Variants in COL6A5 observed in about 807,000 individuals in gnomAD.
COL6A5 encodes the protein collagen type VI alpha 5 chain, also known as collagen alpha-5(VI) chain.
A neutral mutation model predicts 65.6 loss-of-function variants in COL6A5; 48 were observed. The observed-to-expected ratio is 0.73, with a 90% CI of 0.58 to 0.93. The LOEUF (loss-of-function observed/expected upper bound fraction) is 0.93. Ranked by LOEUF, COL6A5 falls within the 40% of genes least tolerant of loss-of-function variation. The pLI is 0.00. For synonymous variants in COL6A5, 291 were observed against 322.8 expected (o/e 0.90, Z 1.05); for missense variants, 914 against 928.3 (o/e 0.98, Z 0.20).
In COL6A5 at chr3:130,389,054, G is replaced by A. The variant is rs1450178785; in HGVS notation, c.2336G>A (p.Ser779Asn). 15 of 1,492,602 alleles carry A rather than the reference G, an allele frequency of 1.0e-5. No individual in the cohort carries two copies. In the South Asian group the frequency reaches 1.9e-4, roughly 19 times the overall value. 92.5% of individuals were successfully genotyped at this position (1,492,602 alleles called of 1,614,324 possible). ...CTAGAAGAGATCAGTGGGGATAGCA[G>A]CCTAGTTTTTCATGTTGAGAACTTC... The change falls in exon 6 of 42, where the codon AGC becomes AAC. Residue 779 changes from serine to asparagine, a missense_variant and NMD_transcript_variant. Coordinates refer to the COL6A5 transcript ENST00000312481.
intron 1 of COL6A5, among the ~76,000 whole-genome samples, chr3:130,360,861 T>C (rs1935081295): frequency 1.3e-5 from 2 of 152,250 alleles, no homozygotes; most frequent in South Asian, 2.1e-4. Context: ...TGGAACTGTT[T>C]GGCAAATGCA....
At chr3:130,447,128 T>C (rs1030772738) in intron 4 of COL6A5, among the ~76,000 whole-genome samples, 19 of 152,154 alleles carry the variant, frequency 1.2e-4, no homozygotes, top group African/African-American at 4.3e-4. Flanking sequence ...TATCCAGCGG[T>C]ATAGTCTATC....
At chr3:130,388,590 C>T (rs1273819475) in exon 6 of COL6A5, 2 of 1,541,016 alleles carry the variant, frequency 1.3e-6, no homozygotes, top group East Asian at 4.9e-5. Context: ...GATGTGAAGA[C>T]ATGAAGGCCG....
intron 24 of COL6A5, among the ~76,000 whole-genome samples, chr3:130,417,552 T>A (rs1313983811): frequency 6.6e-6 from 1 of 152,110 alleles, no homozygotes; most frequent in Non-Finnish European, 1.5e-5. Context: ...CAAGAATGCA[T>A]GTGGTTGCTG....
intron 4 of COL6A5, among the ~76,000 whole-genome samples, chr3:130,446,983 G>T (rs1436101765): frequency 1.3e-5 from 2 of 152,152 alleles, no homozygotes; most frequent in African/African-American, 4.8e-5. Flanking sequence ...TGGTTGTTCA[G>T]ACTGTTTGGA....
chr3:130,424,044 T>G (rs948851659), intron 29 of COL6A5, 144 bp downstream of exon 29: 73 of 547,934 alleles, frequency 1.3e-4, no homozygotes, highest in Non-Finnish European at 7.0e-5. Flanking sequence ...ACTGGGTCTT[T>G]GAGTTTATTT....
At chr3:130,402,284 A>G (rs1936842607) in intron 12 of COL6A5, among the ~76,000 whole-genome samples, 1 of 152,228 alleles carries the variant, frequency 6.6e-6, no homozygotes, top group South Asian at 2.1e-4. Flanking sequence ...AAATAAATAA[A>G]CAAATAAGAG....
chr3:130,350,008 TG>T (rs1362372825), intron 1 of COL6A5, among the ~76,000 whole-genome samples: 1 of 152,154 alleles, frequency 6.6e-6, no homozygotes, highest in Non-Finnish European at 1.5e-5. Context: ...GAAGAAGGAA[TG>T]GGGATAGTGC....
Position 130,362,252 on chromosome 3 carries a change from T to TTCTCTCTCTCTCTCTCTCTCTCTCTCTC in COL6A5, c.-28-11340_-28-11339insCTCTCTCTCTCTCTCTCTCTCTCTCTCT, listed in dbSNP as rs373519002. Among the ~76,000 whole-genome samples, 9 of 114,352 alleles carry TTCTCTCTCTCTCTCTCTCTCTCTCTCTC rather than the reference T, an allele frequency of 7.9e-5. No individual in the cohort carries two copies. The South Asian group carries it at 2.4e-3, about 30-fold the overall frequency. 75.0% of individuals were successfully genotyped at this position (114,352 alleles called of 152,430 possible). On this transcript the variant is annotated intron_variant and NMD_transcript_variant, in intron 1 of 41. Transcript: ENST00000312481. ...TTTTTGGGAAGGGTGTAAGGTTTCT[T>TTCTCTCTCTCTCTCTCTCTCTCTCTCTC]TCTCTCTCTCTCTCTCTCTTTGTCT...
At chr3:130,474,606 T>A (rs1236385706) in intron 7 of COL6A5, among the ~76,000 whole-genome samples, 1 of 151,348 alleles carries the variant, frequency 6.6e-6, no homozygotes, top group African/African-American at 2.4e-5. Context: ...GAAATAGAAA[T>A]CACAAAAAAG....
At chr3:130,423,840 C>T (rs1257486959) in exon 29 of COL6A5, 2 of 1,548,866 alleles carry the variant, frequency 1.3e-6, no homozygotes, top group Non-Finnish European at 1.7e-6. Context: ...ATCTGCAGCT[C>T]ACTGTAGGCT....
In COL6A5 at chr3:130,413,998, T is replaced by C. The variant is rs1937263044; in HGVS notation, c.4699-71T>C. The C allele has an allele frequency of 6.2e-6, 7 of 1,131,002 alleles. 1 individual carries two copies. Among genetic ancestry groups the C allele is most frequent in the Admixed American group, 2.1e-5 (1 of 47,882 alleles). 70.1% of individuals were successfully genotyped at this position (1,131,002 alleles called of 1,614,324 possible). A position where few individuals can be genotyped will look rare whatever the true frequency, so the allele number is the denominator to read the frequency against. ...AAATAGTACCTATTTCTGATGTAAATAGTATGAAAAGAAAATCTATATGGA... is the reference window on the plus strand; with the variant it reads ...AAATAGTACCTATTTCTGATGTAAACAGTATGAAAAGAAAATCTATATGGA... On this transcript the variant is annotated intron_variant and NMD_transcript_variant, in intron 21 of 41. Transcript: ENST00000312481.
At chr3:130,354,290 A>C (rs770915010) in intron 1 of COL6A5, among the ~76,000 whole-genome samples, 8 of 152,204 alleles carry the variant, frequency 5.3e-5, no homozygotes, top group African/African-American at 1.2e-4. Flanking sequence ...TAAGAACCTT[A>C]GCGGGAAAAG....
intron 1 of COL6A5, among the ~76,000 whole-genome samples, chr3:130,346,886 G>T (rs1264423909): frequency 6.6e-6 from 1 of 152,140 alleles, no homozygotes; most frequent in Non-Finnish European, 1.5e-5. Flanking sequence ...CACACTGCAA[G>T]ATTTTTTTCC....
At chr3:130,411,429 G>A (rs1256768595) in intron 20 of COL6A5, among the ~76,000 whole-genome samples, 1 of 152,130 alleles carries the variant, frequency 6.6e-6, no homozygotes, top group East Asian at 1.9e-4. Flanking sequence ...GTGGCTGATT[G>A]CCCTTCTCTC....
At chr3:130,422,861 A>G in intron 28 of COL6A5, 79 bp downstream of exon 28, 1 of 917,760 alleles carries the variant, frequency 1.1e-6, no homozygotes, top group South Asian at 1.9e-5. Flanking sequence ...ATAAATGTGG[A>G]TTATTGATTC....
At chr3:130,410,644 C>A in intron 20 of COL6A5, 120 bp downstream of exon 20, 2 of 788,670 alleles carry the variant, frequency 2.5e-6, no homozygotes, top group Non-Finnish European at 2.1e-6. Flanking sequence ...CAGGGCTTCT[C>A]CATCTTGACA....
rs184451101 is a variant in COL6A5 at position 130,407,254 on chromosome 3, A to G, written c.4479+933A>G. On this transcript the variant is annotated intron_variant and NMD_transcript_variant, in intron 17 of 41. Transcript: ENST00000312481. ...TACTTCCTGGAGGGAGCATTAGAAT[A>G]CAGGTACTGGGAGGTGAGGTTCAAG... is the stretch of plus-strand genomic sequence containing the variant. 2.1e-4 allele frequency among the ~76,000 whole-genome samples: 32 copies of G among 152,290 alleles called. No individual in the cohort carries two copies. The East Asian group carries it at 5.8e-3, about 28-fold the overall frequency.
At chr3:130,442,114 T>G (rs1409681265) in intron 3 of COL6A5, among the ~76,000 whole-genome samples, 1 of 152,166 alleles carries the variant, frequency 6.6e-6, no homozygotes, top group Non-Finnish European at 1.5e-5. Context: ...TTTCTTTACA[T>G]CTAAGATGCC....
Sources: allele counts gnomAD v4.1 joint callset (sites outside exome capture counted in the v4.1 genomes callset), GRCh38; gene constraint gnomAD v4.1.1; transcripts MANE v1.5; gene names NCBI Gene and HGNC (gene_info 2026-07-23, HGNC 2026-07-21).